Variants in MXI1 observed in about 807,000 individuals in gnomAD.
MXI1 encodes the protein MAX interactor 1, dimerization protein.
Under a neutral mutation model 36.9 loss-of-function variants are expected in MXI1, and 18 were observed. The observed-to-expected ratio is 0.49, with a 90% CI of 0.34 to 0.72. The LOEUF is 0.72. Ranked by LOEUF, MXI1 falls within the 30% of genes least tolerant of loss-of-function variation. The probability of loss-of-function intolerance (pLI) is 0.01; values close to 1 mark genes in which losing one functional copy is unlikely to be tolerated. For synonymous variants in MXI1, 160 were observed against 146.7 expected, an observed-to-expected ratio of 1.09 and a Z score of -0.65; for missense variants, 304 against 379.1, an observed-to-expected ratio of 0.80 and a Z score of 1.64.
At chr10:110,249,747 A>G (rs886983611) in intron 3 of MXI1, among the ~76,000 whole-genome samples, 51 of 152,246 alleles carry the variant, frequency 3.3e-4, no homozygotes, top group African/African-American at 1.1e-3. Context: ...ACCTGTGTAT[A>G]CTGGATTATG....
intron 1 of MXI1, among the ~76,000 whole-genome samples, chr10:110,222,588 G>A (rs1378261050): frequency 6.6e-6 from 1 of 152,146 alleles, no homozygotes; most frequent in Non-Finnish European, 1.5e-5. Context: ...GGGTATTCTG[G>A]GGGACTTTCT....
At position 110,284,880 on chromosome 10, in the gene MXI1, A is replaced by G. The variant is rs764668840; in HGVS notation, c.781A>G (p.Ile261Val). ...GTTCTCCCATGGAGAAGTGGACAAT[A>G]TAAGTACCACCAGCATCAGTGACAT... Reference protein sequence around the residue: ...TEFSHGEVDNISTTSISDIDD... With the variant: ...TEFSHGEVDNVSTTSISDIDD... The change falls in exon 6 of 6, where the codon ATA (isoleucine) becomes GTA (valine). Residue 261 changes from isoleucine to valine, a missense_variant. Physicochemically the swap from Ile to Val is conservative, Grantham distance 29 (BLOSUM62 3). Transcript: ENST00000332674. 2.5e-6 allele frequency: 4 copies of G among 1,613,962 alleles called. No homozygotes were observed. Among genetic ancestry groups the G allele is most frequent in the South Asian group, 1.1e-5 (1 of 91,076 alleles).
chr10:110,282,609 AC>A (rs1471399011), intron 5 of MXI1, among the ~76,000 whole-genome samples: 1 of 151,460 alleles, frequency 6.6e-6, no homozygotes, highest in Non-Finnish European at 1.5e-5. Flanking sequence ...CACCCCAACT[AC>A]CTCCAAATTT....
chr10:110,226,980 A>G (rs1247340784), intron 1 of MXI1, among the ~76,000 whole-genome samples: 1 of 3,484 alleles, frequency 2.9e-4, no homozygotes, highest in Non-Finnish European at 4.8e-4. Context: ...CGCGGGTGTG[A>G]GGGGAGGGGC....
intron 3 of MXI1, among the ~76,000 whole-genome samples, chr10:110,269,963 A>T (rs533483139): frequency 6.6e-6 from 1 of 152,342 alleles, no homozygotes; most frequent in East Asian, 1.9e-4. Context: ...ACTGTTAATA[A>T]GGCAAAAATC....
chr10:110,253,670 CTT>C (rs1331677211), intron 3 of MXI1, among the ~76,000 whole-genome samples: 3 of 151,998 alleles, frequency 2.0e-5, no homozygotes, highest in African/African-American at 7.2e-5. Flanking sequence ...GGAAGTCAAA[CTT>C]TTATTCTAGG....
chr10:110,272,149 A>G (rs750255145), intron 3 of MXI1, among the ~76,000 whole-genome samples: 7 of 152,178 alleles, frequency 4.6e-5, no homozygotes, highest in Non-Finnish European at 8.8e-5. Context: ...AAGTCCACAA[A>G]TCTGAAATGC....
intron 3 of MXI1, among the ~76,000 whole-genome samples, chr10:110,251,411 A>G (rs934754205): frequency 2.0e-5 from 3 of 152,150 alleles, no homozygotes; most frequent in African/African-American, 7.2e-5. Context: ...ATTCTAGTTA[A>G]GGTTAAGGTC....
rs1854914607 is a variant in MXI1 at position 110,224,814 on chromosome 10, A to AT, written c.275-3370dup. 2.0e-5 allele frequency among the ~76,000 whole-genome samples: 3 copies of AT among 151,990 alleles called. No homozygotes were observed. The South Asian group carries it at 6.2e-4, about 32-fold the overall frequency. Reference sequence around the variant, plus strand: ...AGGCACCCGCCACCATGCCCGGCTAATTTTTGTATTTTTAGTAGAGACAGG... The same window carrying AT: ...AGGCACCCGCCACCATGCCCGGCTAATTTTTTGTATTTTTAGTAGAGACAGG... On this transcript the variant is annotated intron_variant, in intron 1 of 5. Coordinates refer to ENST00000332674, the MANE Select transcript of MXI1 (RefSeq NM_130439.3).
chr10:110,216,408 T>A (rs1854636255), intron 1 of MXI1, among the ~76,000 whole-genome samples: 1 of 152,056 alleles, frequency 6.6e-6, no homozygotes, highest in Non-Finnish European at 1.5e-5. Context: ...GGAGGTAGAG[T>A]CCTTGCCCTC....
At chr10:110,261,982 G>T (rs1429620620) in intron 3 of MXI1, among the ~76,000 whole-genome samples, 1 of 152,106 alleles carries the variant, frequency 6.6e-6, no homozygotes, top group Non-Finnish European at 1.5e-5. Flanking sequence ...ATGTAGATGT[G>T]TATATGTGTA....
At chr10:110,223,709 G>A (rs961640826) in intron 1 of MXI1, among the ~76,000 whole-genome samples, 1 of 152,036 alleles carries the variant, frequency 6.6e-6, no homozygotes, top group Admixed American at 6.6e-5. Context: ...GGTGAAGGGA[G>A]GTTGTTACCA....
At chr10:110,213,669 G>A (rs551867389) in intron 1 of MXI1, among the ~76,000 whole-genome samples, 3 of 152,320 alleles carry the variant, frequency 2.0e-5, no homozygotes, top group South Asian at 2.1e-4. Context: ...AGTTAGAGAA[G>A]TTGAATTGAG....
intron 5 of MXI1, among the ~76,000 whole-genome samples, chr10:110,283,481 G>T (rs915452056): frequency 6.6e-6 from 1 of 151,724 alleles, no homozygotes; most frequent in African/African-American, 2.4e-5. Context: ...GGTCAGGCTG[G>T]TCTTGAACTC....
intron 2 of MXI1, among the ~76,000 whole-genome samples, chr10:110,232,453 T>C (rs1292790364): frequency 6.6e-6 from 1 of 152,224 alleles, no homozygotes; most frequent in Non-Finnish European, 1.5e-5. Context: ...TCTGCCGTAG[T>C]AGATCAGGTC....
intron 3 of MXI1, among the ~76,000 whole-genome samples, chr10:110,261,839 T>G (rs1856523342): frequency 6.6e-6 from 1 of 152,094 alleles, no homozygotes; most frequent in South Asian, 2.1e-4. Flanking sequence ...CTTCTACTCA[T>G]GTACAGATAG....
chr10:110,229,854 T>C (rs1855197646), intron 2 of MXI1, among the ~76,000 whole-genome samples: 1 of 142,068 alleles, frequency 7.0e-6, no homozygotes, highest in Admixed American at 6.9e-5. Flanking sequence ...ATTAAAAAAC[T>C]TTTTTTTTTC....
intron 3 of MXI1, among the ~76,000 whole-genome samples, chr10:110,270,245 A>G (rs1233293927): frequency 2.0e-5 from 3 of 152,272 alleles, no homozygotes; most frequent in African/African-American, 7.2e-5. Flanking sequence ...AAGAAGAAAT[A>G]TGGTGAATGA....
chr10:110,264,935 A>AT (rs894729204), intron 3 of MXI1, among the ~76,000 whole-genome samples: 58 of 148,620 alleles, frequency 3.9e-4, no homozygotes, highest in Admixed American at 9.4e-4. Flanking sequence ...TATGTTAAAA[A>AT]TTTTTTTTTT....
Sources: allele counts gnomAD v4.1 joint callset (sites outside exome capture counted in the v4.1 genomes callset), GRCh38; gene constraint gnomAD v4.1.1; transcripts MANE v1.5; gene names NCBI Gene and HGNC (gene_info 2026-07-23, HGNC 2026-07-21).